RASL12: variants seen among roughly 807,000 people sequenced by gnomAD.
The protein encoded by RASL12 is ras-like protein family member 12.
In RASL12, 16 loss-of-function variants were observed where a neutral mutation model predicts 22.9. The observed-to-expected ratio is 0.70, with a 90% CI of 0.47 to 1.06. The LOEUF is 1.06. RASL12 is among the 50% of genes least tolerant of loss of function. RASL12 has a pLI of 0.00. For synonymous variants in RASL12, 159 were observed against 152.2 expected, an observed-to-expected ratio of 1.04 and a Z score of -0.33; for missense variants, 306 against 353.1, an observed-to-expected ratio of 0.87 and a Z score of 1.07.
Position 65,065,272 on chromosome 15 carries a change from G to C in RASL12, c.105C>G (p.Ala35=), listed in dbSNP as rs376084935. 6.2e-7 allele frequency: 1 copy of C among 1,611,538 alleles called. No individual in the cohort carries two copies. The highest frequency in any genetic ancestry group is 8.5e-7 in the Non-Finnish European group (1 of 1,179,060). The stretch of plus-strand genomic sequence containing the variant: ...TCTTGGTCAGAAACTTCACGGTCAG[G>C]GCTGCAAGAAGCAGAAAGAGGTTGG... The part of the protein sequence containing the change: ...ILGRRGAGKS[A]LTVKFLTKRF... Residue 35 remains alanine, a splice_region_variant and synonymous_variant, in exon 2 of 5, where the codon GCC becomes GCG. Coordinates refer to ENST00000220062, the MANE Select transcript of RASL12 (RefSeq NM_016563.4).
intron 4 of RASL12, among the ~76,000 whole-genome samples, chr15:65,055,481 AGT>A (rs1317503117): frequency 4.6e-5 from 7 of 152,222 alleles, no homozygotes; most frequent in Non-Finnish European, 8.8e-5. Context: ...ATTTGTTTCA[AGT>A]GCTTAGCACA....
In RASL12 at chr15:65,065,072, C is replaced by T. The variant is rs2232755; in HGVS notation, c.160+145G>A. The T allele has an allele frequency of 5.9e-3, 4,051 of 683,684 alleles. 40 individuals are homozygous for T. The highest frequency in any genetic ancestry group is 0.016 in the African/African-American group (885 of 54,136). 42.4% of individuals were successfully genotyped at this position (683,684 alleles called of 1,614,324 possible). A position where few individuals can be genotyped will look rare whatever the true frequency, so the allele number is the denominator to read the frequency against. ...GTATTTCTGACACTTAAAACATTTT[C>T]CCCCATGGGCTGGGTCATCCTGGCG... On this transcript the variant is annotated intron_variant, in intron 2 of 4. Coordinates refer to ENST00000220062, the MANE Select transcript of RASL12 (RefSeq NM_016563.4).
chr15:65,051,403 G>C, downstream of RASL12: 2 of 980,552 alleles, frequency 2.0e-6, no homozygotes, highest in Admixed American at 3.7e-5. Flanking sequence ...GGGTCTCCAC[G>C]CAAAGGACAG....
At chr15:65,050,819 T>C (rs2086639969), downstream of RASL12, among the ~76,000 whole-genome samples, 1 of 141,756 alleles carries the variant, frequency 7.1e-6, no homozygotes, top group African/African-American at 2.6e-5. Flanking sequence ...CCTTTTTTTT[T>C]CTTTCTTCTT....
intron 4 of RASL12, among the ~76,000 whole-genome samples, chr15:65,057,391 A>G (rs1236952979): frequency 6.6e-6 from 1 of 152,220 alleles, no homozygotes; most frequent in Non-Finnish European, 1.5e-5. Flanking sequence ...CAGGCATCAC[A>G]GTGTCAAATG....
chr15:65,062,225 C>T (rs1040433792), intron 2 of RASL12, among the ~76,000 whole-genome samples: 2 of 152,160 alleles, frequency 1.3e-5, no homozygotes, highest in African/African-American at 2.4e-5. Flanking sequence ...CCCACTCCTG[C>T]GGGTCTCAGC....
At chr15:65,075,547 A>G (rs1237869998) in intron 1 of RASL12, among the ~76,000 whole-genome samples, 2 of 152,312 alleles carry the variant, frequency 1.3e-5, no homozygotes, top group East Asian at 1.9e-4. Flanking sequence ...GAATACACCA[A>G]TCGGCACTCT....
chr15:65,047,382 A>C, the RASL12 span, among the ~76,000 whole-genome samples: 2 of 152,184 alleles, frequency 1.3e-5, no homozygotes, highest in Non-Finnish European at 2.9e-5. Context: ...ATACATAGAA[A>C]TATATACACA....
At chr15:65,049,984 C>T (rs2086627679), downstream of RASL12, 3 of 1,542,926 alleles carry the variant, frequency 1.9e-6, no homozygotes, top group Admixed American at 2.0e-5. Context: ...CCTCGTTGCA[C>T]ACGCTACCAG....
At chr15:65,045,769 G>A in the RASL12 span, among the ~76,000 whole-genome samples, 1 of 152,244 alleles carries the variant, frequency 6.6e-6, no homozygotes, top group Non-Finnish European at 1.5e-5. Flanking sequence ...GAACATTAAA[G>A]GCAAAACTAA....
In RASL12 at chr15:65,053,970, T is replaced by C. The variant is rs2086693355; in HGVS notation, c.*929A>G. Reference sequence around the variant, plus strand: ...GGCTTTGAACACTCAGACTCATTGCTGAGGGTCCTGGGTCCTGCCAAACCA... The same window carrying C: ...GGCTTTGAACACTCAGACTCATTGCCGAGGGTCCTGGGTCCTGCCAAACCA... On this transcript the variant is annotated 3_prime_UTR_variant, in exon 5 of 5. Coordinates refer to ENST00000220062, the MANE Select transcript of RASL12 (RefSeq NM_016563.4). The C allele has an allele frequency of 1.0e-6, 1 of 985,878 alleles. No individual in the cohort carries two copies. Among genetic ancestry groups the C allele is most frequent in the Non-Finnish European group, 1.2e-6 (1 of 829,944 alleles). The allele number at this position is 985,878 out of a possible 1,614,324, so 61.1% of individuals were successfully genotyped here.
chr15:65,048,801 G>C (rs2086608698), downstream of RASL12, among the ~76,000 whole-genome samples: 1 of 152,124 alleles, frequency 6.6e-6, no homozygotes, highest in East Asian at 1.9e-4. Flanking sequence ...CTGAGGTCAA[G>C]AGTTCGAGAC....
At chr15:65,074,380 C>G (rs1226902987) in intron 1 of RASL12, among the ~76,000 whole-genome samples, 1 of 149,310 alleles carries the variant, frequency 6.7e-6, no homozygotes, top group Non-Finnish European at 1.5e-5. Context: ...ATTATTGGCC[C>G]CATTTTATTT....
At chr15:65,067,007 T>C (rs1046534389) in intron 1 of RASL12, among the ~76,000 whole-genome samples, 8 of 152,304 alleles carry the variant, frequency 5.3e-5, no homozygotes, top group Middle Eastern at 3.4e-3. Context: ...GACAATCCCA[T>C]GCACCTGGAA....
chr15:65,050,833 C>CTTTTTTT (rs67418433), downstream of RASL12, among the ~76,000 whole-genome samples: 3 of 88,592 alleles, frequency 3.4e-5, no homozygotes, highest in Non-Finnish European at 6.1e-5. Context: ...TCTTCTTCTT[C>CTTTTTTT]TTCTTTTTTT....
chr15:65,046,789 T>C, the RASL12 span, among the ~76,000 whole-genome samples: 9 of 152,138 alleles, frequency 5.9e-5, no homozygotes, highest in South Asian at 1.9e-3. Flanking sequence ...GGCACATGCC[T>C]GTTGTACCAG....
At chr15:65,064,078 T>C (rs957566437) in intron 2 of RASL12, among the ~76,000 whole-genome samples, 4 of 152,248 alleles carry the variant, frequency 2.6e-5, no homozygotes, top group Non-Finnish European at 5.9e-5. Context: ...GTGAACAGTT[T>C]ACAATAGACA....
chr15:65,068,013 G>T, upstream of RASL12: 1 of 1,141,952 alleles, frequency 8.8e-7, no homozygotes, highest in Non-Finnish European at 1.1e-6. The surrounding 1 kb of genome is among the most constrained non-coding windows in gnomAD (Gnocchi z 4.2). Context: ...GGGAGGAGGG[G>T]CCGGTGGAGC....
chr15:65,064,507 G>A (rs2086852868), intron 2 of RASL12, among the ~76,000 whole-genome samples: 1 of 152,128 alleles, frequency 6.6e-6, no homozygotes, highest in Non-Finnish European at 1.5e-5. Flanking sequence ...TCAGAAGCCA[G>A]CACCACTAGA....
Sources: allele counts gnomAD v4.1 joint callset (sites outside exome capture counted in the v4.1 genomes callset), GRCh38; gene constraint gnomAD v4.1.1; non-coding constraint Gnocchi (gnomAD v3.1); transcripts MANE v1.5; gene names NCBI Gene and HGNC (gene_info 2026-07-23, HGNC 2026-07-21).